Variants in GLG1 observed in about 807,000 individuals in gnomAD.
The protein encoded by GLG1 is Golgi apparatus protein 1.
A neutral mutation model predicts 160.5 loss-of-function variants in GLG1; 38 were observed. The observed-to-expected ratio is 0.24, with a 90% CI of 0.18 to 0.31. The LOEUF (loss-of-function observed/expected upper bound fraction) is 0.31. Ranked by LOEUF, GLG1 falls within the 10% of genes least tolerant of loss-of-function variation. GLG1 has a pLI of 1.00. For missense variants in GLG1, 1,373 were observed against 1,505.2 expected (o/e 0.91, Z 1.45); for synonymous variants, 644 against 543.4 (o/e 1.19, Z -2.57).
Position 74,469,029 on chromosome 16 carries a change from G to A in GLG1, c.2353C>T (p.Arg785Cys), listed in dbSNP as rs1567462208. ...DVVICLSTTV[R>C]NDTLQEAKEH... Reference sequence around the variant, plus strand: ...TTGGCTTCCTGCAGAGTGTCATTGCGCACGGTCGTGCTCAGGCAGATCACC... The same window carrying A: ...TTGGCTTCCTGCAGAGTGTCATTGCACACGGTCGTGCTCAGGCAGATCACC... The change falls in exon 17 of 26, where the codon CGC becomes TGC. Residue 785 changes from arginine to cysteine, a missense_variant. This residue lies in a region of GLG1 where 491 missense variants were observed against 632.1 expected (regional missense o/e 0.78). Coordinates refer to ENST00000422840, the MANE Select transcript of GLG1 (RefSeq NM_001145667.2). The A allele has an allele frequency of 6.2e-7, 1 of 1,613,904 alleles. No individual in the cohort carries two copies. The highest frequency in any genetic ancestry group is 8.5e-7 in the Non-Finnish European group (1 of 1,179,758).
In GLG1 at chr16:74,462,405, C is replaced by G. The variant is rs554732988; in HGVS notation, c.2934+83G>C. The stretch of plus-strand genomic sequence containing the variant: ...GAAAAAGGTCTTGGGAAAACGGGAG[C>G]AAGCTAGGGATTTCAAAAGAGAAAA... On this transcript the variant is annotated intron_variant, in intron 21 of 25. Transcript: ENST00000422840. The G allele has an allele frequency of 1.2e-4, 158 of 1,314,962 alleles. No individual in the cohort carries two copies. In the African/African-American group the frequency reaches 2.0e-3, roughly 17 times the overall value. The allele number at this position is 1,314,962 out of a possible 1,614,324, so 81.5% of individuals were successfully genotyped here. A position where few individuals can be genotyped will look rare whatever the true frequency, so the allele number is the denominator to read the frequency against.
intron 19 of GLG1, 65 bp from the exon 20 acceptor site, chr16:74,463,544 C>CTTTTTT: frequency 7.4e-7 from 1 of 1,355,856 alleles, no homozygotes; most frequent in African/African-American, 1.5e-5. Flanking sequence ...TCTGCGACCA[C>CTTTTTT]TTTTTTTTTT....
In GLG1 at chr16:74,483,032, C is replaced by T. The variant is rs747020388; in HGVS notation, c.1664G>A (p.Arg555Gln). The change falls in exon 10 of 26, where the codon CGG becomes CAG. Residue 555 changes from arginine to glutamine, a missense_variant. Around this residue, in one of 4 missense-constraint regions of GLG1, gnomAD observed 386 missense variants for 388.5 expected, o/e 0.99. Coordinates refer to ENST00000422840, the MANE Select transcript of GLG1 (RefSeq NM_001145667.2). ...RLLELQYFIS[R>Q]DWKLDPVLYR... ...GCTTCAAAATACTCACTTCCAATCC[C>T]GGGAGATGAAATACTGCAGCTCTAA... The T allele has an allele frequency of 1.9e-5, 30 of 1,580,238 alleles. No homozygotes were observed. Among genetic ancestry groups the T allele is most frequent in the African/African-American group, 4.0e-5 (3 of 74,212 alleles).
At chr16:74,505,389 T>C (rs998985090) in intron 3 of GLG1, among the ~76,000 whole-genome samples, 1 of 152,264 alleles carries the variant, frequency 6.6e-6, no homozygotes, top group Non-Finnish European at 1.5e-5. Context: ...AATGAAATTC[T>C]TTCAGTTTAA....
At chr16:74,562,761 T>C (rs1324216054) in intron 1 of GLG1, among the ~76,000 whole-genome samples, 4 of 152,114 alleles carry the variant, frequency 2.6e-5, no homozygotes, top group African/African-American at 7.2e-5. Context: ...AGGCATGAGC[T>C]ACCGTGCTGG....
At chr16:74,544,752 G>A (rs1210957101) in intron 1 of GLG1, among the ~76,000 whole-genome samples, 3 of 151,998 alleles carry the variant, frequency 2.0e-5, no homozygotes, top group South Asian at 2.1e-4. Flanking sequence ...CTCCCACCTC[G>A]GCCTCCCAAA....
chr16:74,528,350 T>A (rs1269258602), intron 2 of GLG1, among the ~76,000 whole-genome samples: 3 of 152,134 alleles, frequency 2.0e-5, no homozygotes, highest in Non-Finnish European at 4.4e-5. Context: ...GAATTCCATG[T>A]TGGCATTTTC....
At chr16:74,468,215 G>A (rs1401946818) in intron 17 of GLG1, 1 of 147,586 alleles carries the variant, frequency 6.8e-6, no homozygotes, top group Non-Finnish European at 1.4e-5. Flanking sequence ...AAATCTTCCA[G>A]CTTGAAATGT....
At chr16:74,512,015 T>A (rs2016823798) in intron 2 of GLG1, among the ~76,000 whole-genome samples, 1 of 152,096 alleles carries the variant, frequency 6.6e-6, no homozygotes, top group Admixed American at 6.6e-5. Context: ...TTTTTTACTT[T>A]ATTCACAAGG....
intron 19 of GLG1, chr16:74,463,876 C>CTTTT: frequency 1.2e-5 from 2 of 169,080 alleles, no homozygotes; most frequent in African/African-American, 2.5e-5. Flanking sequence ...CGCCTGGCCA[C>CTTTT]TTTTTTTTTT....
intron 1 of GLG1, among the ~76,000 whole-genome samples, chr16:74,546,887 A>G (rs1469763921): frequency 3.4e-5 from 5 of 148,332 alleles, no homozygotes; most frequent in Non-Finnish European, 7.4e-5. Context: ...GTAACATGTG[A>G]TAATTTGGAC....
chr16:74,596,422 G>A (rs942302864), intron 1 of GLG1, among the ~76,000 whole-genome samples: 5 of 152,002 alleles, frequency 3.3e-5, no homozygotes, highest in African/African-American at 7.2e-5. Context: ...CCAGCTACTC[G>A]GGAAGCTGAG....
chr16:74,461,967 G>C, intron 22 of GLG1, 127 bp downstream of exon 22: 5 of 613,344 alleles, frequency 8.2e-6, no homozygotes, highest in African/African-American at 5.5e-5. Context: ...ACCATGGAGA[G>C]CCTAGAAGAT....
At chr16:74,569,886 A>T (rs942930677) in intron 1 of GLG1, among the ~76,000 whole-genome samples, 1 of 151,572 alleles carries the variant, frequency 6.6e-6, no homozygotes, top group Non-Finnish European at 1.5e-5. Flanking sequence ...AAAAAAAAAA[A>T]AAAGCAACGG....
chr16:74,482,522 C>A (rs1283855638), intron 10 of GLG1, among the ~76,000 whole-genome samples: 1 of 152,126 alleles, frequency 6.6e-6, no homozygotes, highest in Admixed American at 6.6e-5. Context: ...CCTCCCACCC[C>A]CACCGCTTTT....
chr16:74,593,343 C>T (rs1182059612), intron 1 of GLG1, among the ~76,000 whole-genome samples: 1 of 151,796 alleles, frequency 6.6e-6, no homozygotes, highest in Non-Finnish European at 1.5e-5. Flanking sequence ...GCTGATATGG[C>T]CAGTGCAAGA....
At chr16:74,597,216 A>C (rs998824093) in intron 1 of GLG1, among the ~76,000 whole-genome samples, 1 of 151,822 alleles carries the variant, frequency 6.6e-6, no homozygotes, top group Non-Finnish European at 1.5e-5. Context: ...GAGGATCACC[A>C]GGTCAAGAGA....
At chr16:74,521,747 A>G (rs2143557732) in intron 2 of GLG1, among the ~76,000 whole-genome samples, 1 of 152,344 alleles carries the variant, frequency 6.6e-6, no homozygotes, top group East Asian at 1.9e-4. Context: ...CCAGGAGGAC[A>G]GCATCAACTG....
At chr16:74,579,382 C>T (rs528855265) in intron 1 of GLG1, among the ~76,000 whole-genome samples, 1 of 151,852 alleles carries the variant, frequency 6.6e-6, no homozygotes, top group Non-Finnish European at 1.5e-5. Context: ...TGCCAGTGCA[C>T]TCCAGGCTGG....
Sources: allele counts gnomAD v4.1 joint callset (sites outside exome capture counted in the v4.1 genomes callset), GRCh38; gene constraint gnomAD v4.1.1; regional missense constraint gnomAD v4.1.1; transcripts MANE v1.5; gene names NCBI Gene and HGNC (gene_info 2026-07-23, HGNC 2026-07-21).